The following MIA3 variants were observed in gnomAD, a reference collection of about 807,000 sequenced individuals.
The protein encoded by MIA3 is MIA SH3 domain ER export factor 3.
MIA3 carries 90 observed loss-of-function variants against 192.4 expected under a neutral mutation model. That is an observed-to-expected ratio of 0.47 (90% CI 0.39 to 0.56). MIA3 has a LOEUF of 0.56. Among genes scored for constraint, MIA3 ranks in the 20% least tolerant of loss-of-function variants. MIA3 has a pLI of 0.00. For missense variants in MIA3, 2,123 were observed against 2,269.4 expected, an observed-to-expected ratio of 0.94 and a Z score of 1.31; for synonymous variants, 740 against 792.8, an observed-to-expected ratio of 0.93 and a Z score of 1.12.
chr1:222,650,442 T>C, intron 9 of MIA3, 62 bp downstream of exon 9: 1 of 937,158 alleles, frequency 1.1e-6, no homozygotes, highest in Middle Eastern at 2.7e-4. Context: ...TTGTCACCTA[T>C]CTTATAGTTC....
intron 22 of MIA3, 30 bp from the exon 23 acceptor site, chr1:222,659,876 T>G: frequency 6.3e-7 from 1 of 1,597,544 alleles, no homozygotes; most frequent in African/African-American, 1.3e-5. Flanking sequence ...TATTTAACTC[T>G]TTCTTAAATA....
chr1:222,663,299 T>A (rs771644781), intron 26 of MIA3, among the ~76,000 whole-genome samples: 29 of 152,170 alleles, frequency 1.9e-4, no homozygotes, highest in African/African-American at 7.0e-4. Context: ...CAAGAGCAGC[T>A]TGGATAAGAC....
In MIA3 at chr1:222,665,801, A is replaced by C; in HGVS notation, c.*182A>C. 2.1e-6 allele frequency: 1 copy of C among 465,642 alleles called. No individual in the cohort carries two copies. Among genetic ancestry groups the C allele is most frequent in the Non-Finnish European group, 3.6e-6 (1 of 275,870 alleles). 28.8% of individuals were successfully genotyped at this position (465,642 alleles called of 1,614,324 possible). On this transcript the variant is annotated 3_prime_UTR_variant, in exon 28 of 28. Transcript: ENST00000344922. Reference sequence around the variant, plus strand: ...TTCAAAAATGTCATTTCTTCCCTAAATAAAAATCACCTTTTAAGCTAGAGC... The same window carrying C: ...TTCAAAAATGTCATTTCTTCCCTAACTAAAAATCACCTTTTAAGCTAGAGC...
intron 3 of MIA3, 24 bp downstream of exon 3, chr1:222,624,878 T>C (rs1251049831): frequency 1.4e-6 from 2 of 1,403,508 alleles, no homozygotes; most frequent in Non-Finnish European, 2.0e-6. Flanking sequence ...TTCTGTCTTG[T>C]TCTCAGTTAT....
intron 6 of MIA3, among the ~76,000 whole-genome samples, chr1:222,637,561 A>C (rs1444179237): frequency 6.6e-6 from 1 of 152,176 alleles, no homozygotes; most frequent in East Asian, 1.9e-4. Flanking sequence ...CGAGTTAGAC[A>C]ACTCATTCGT....
chr1:222,644,401 G>A (rs1663024383), intron 6 of MIA3: 2 of 1,540,108 alleles, frequency 1.3e-6, no homozygotes, highest in South Asian at 1.2e-5. Flanking sequence ...CTTTCCGGAG[G>A]AGGAAGCTCT....
chr1:222,620,629 A>G (rs1332122111), intron 1 of MIA3, among the ~76,000 whole-genome samples: 1 of 152,228 alleles, frequency 6.6e-6, no homozygotes, highest in African/African-American at 2.4e-5. Flanking sequence ...ACTGCTACAT[A>G]GTACTGGTTA....
In MIA3 at chr1:222,628,604, C is replaced by T. The variant is rs189126837; in HGVS notation, c.1384C>T (p.His462Tyr). 4.3e-6 allele frequency: 7 copies of T among 1,613,996 alleles called. No individual in the cohort carries two copies. In the East Asian group the frequency reaches 1.6e-4, roughly 36 times the overall value. ...TNNDKEVNAEHHIKGKGRGVQ... is the reference protein window; with the variant it reads ...TNNDKEVNAEYHIKGKGRGVQ... Reference sequence around the variant, plus strand: ...TAATGACAAAGAAGTAAACGCAGAACATCACATTAAAGGAAAAGGGAGGGG... The same window carrying T: ...TAATGACAAAGAAGTAAACGCAGAATATCACATTAAAGGAAAAGGGAGGGG... The change falls in exon 4 of 28, where the codon CAT becomes TAT. Residue 462 changes from histidine to tyrosine, a missense_variant. His to Tyr is a moderately conservative substitution (Grantham distance 83). This residue lies in a region of MIA3 where 1,357 missense variants were observed against 1,396.1 expected (regional missense o/e 0.97). Coordinates refer to ENST00000344922, the MANE Select transcript of MIA3 (RefSeq NM_198551.4).
chr1:222,652,100 T>C, intron 12 of MIA3, 52 bp downstream of exon 12: 1 of 1,342,366 alleles, frequency 7.4e-7, no homozygotes, highest in Non-Finnish European at 1.1e-6. Flanking sequence ...CATAGTTTGA[T>C]TGCAGAGCAA....
At position 222,630,043 on chromosome 1, in the gene MIA3, G is replaced by A. The variant is rs1275339131; in HGVS notation, c.2823G>A (p.Lys941=). The A allele has an allele frequency of 6.2e-7, 1 of 1,614,082 alleles. No individual in the cohort carries two copies. The highest frequency in any genetic ancestry group is 8.5e-7 in the Non-Finnish European group (1 of 1,180,014). The change falls in exon 4 of 28, where the codon AAG becomes AAA. Residue 941 remains lysine (K), a synonymous_variant. Coordinates refer to ENST00000344922, the MANE Select transcript of MIA3 (RefSeq NM_198551.4). ...AACAGTCTTTGCAGCGGTTCCAGAA[G>A]TACTTTAATGTCCATGAGCTGGAAG... ...KEQQSLQRFQ[K]YFNVHELEAL...
chr1:222,644,731 T>C (rs1663051644), intron 6 of MIA3: 2 of 878,390 alleles, frequency 2.3e-6, no homozygotes, highest in Non-Finnish European at 3.5e-6. Flanking sequence ...CTATGCTGTT[T>C]AGGGAGGCAG....
chr1:222,666,792 T>C lies in MIA3; in HGVS notation c.*1173T>C, dbSNP rs1475387161. Reference sequence around the variant, plus strand: ...AAAATCAGTAACTAACCATCTGGAATTGCACCATACTTAAAGTCTTATCCA... The same window carrying C: ...AAAATCAGTAACTAACCATCTGGAACTGCACCATACTTAAAGTCTTATCCA... On this transcript the variant is annotated 3_prime_UTR_variant, in exon 28 of 28. Coordinates refer to ENST00000344922, the MANE Select transcript of MIA3 (RefSeq NM_198551.4). 6.6e-6 allele frequency: 1 copy of C among 152,180 alleles called. No homozygotes were observed. 9.4% of individuals were successfully genotyped at this position (152,180 alleles called of 1,614,324 possible).
rs1243234594 is a variant in MIA3 at position 222,654,784 on chromosome 1, C to G, written c.4598C>G (p.Ala1533Gly). Residue 1533 changes from alanine (A) to glycine (G), a missense_variant, in exon 18 of 28, where the codon GCT becomes GGT. Around this residue, in one of 3 missense-constraint regions of MIA3, gnomAD observed 762 missense variants for 856.4 expected, o/e 0.89. Transcript: ENST00000344922. ...GAGCTCTATCAGCAGAAGGAGATGG[C>G]TTTGCAAAAGTAAGATTATCATCAT... ...LNELYQQKEM[A>G]LQKKLSQEEY... is the part of the protein sequence containing the mutation. 6.2e-7 allele frequency: 1 copy of G among 1,613,276 alleles called. No homozygotes were observed. The highest frequency in any genetic ancestry group is 2.2e-5 in the East Asian group (1 of 44,888).
intron 6 of MIA3, among the ~76,000 whole-genome samples, chr1:222,639,385 A>C (rs1177495793): frequency 3.3e-5 from 5 of 152,206 alleles, no homozygotes; most frequent in Non-Finnish European, 5.9e-5. Context: ...TCATTGTATG[A>C]AGCTGATGTT....
At chr1:222,625,357 A>G (rs774717408) in intron 3 of MIA3, among the ~76,000 whole-genome samples, 4 of 152,240 alleles carry the variant, frequency 2.6e-5, no homozygotes, top group Non-Finnish European at 5.9e-5. Flanking sequence ...TATGTGAAAA[A>G]TTAAGAGTTC....
intron 7 of MIA3, among the ~76,000 whole-genome samples, chr1:222,647,742 T>G (rs1421215789): frequency 6.6e-6 from 1 of 152,180 alleles, no homozygotes; most frequent in Non-Finnish European, 1.5e-5. Context: ...ACTTGACTTT[T>G]GGAACCTTGG....
chr1:222,648,095 T>G (rs541667581), intron 7 of MIA3: 30 of 186,996 alleles, frequency 1.6e-4, no homozygotes, highest in Non-Finnish European at 2.9e-4. Context: ...AGTTACTGCT[T>G]AGATTTTCTT....
intron 13 of MIA3, 53 bp downstream of exon 13, chr1:222,652,385 A>G: frequency 9.0e-7 from 1 of 1,107,390 alleles, no homozygotes; most frequent in South Asian, 1.2e-5. Flanking sequence ...TCAGTATCAT[A>G]CCTCATGAAT....
At chr1:222,633,297 T>A in intron 6 of MIA3, 48 bp downstream of exon 6, 1 of 1,470,504 alleles carries the variant, frequency 6.8e-7, no homozygotes, top group Non-Finnish European at 9.3e-7. Context: ...ATTATTACAG[T>A]TTTTAAGTTG....
Sources: gnomAD v4.1 joint callset for allele counts (sites outside exome capture counted in the v4.1 genomes callset) on GRCh38, gnomAD v4.1.1 for gene constraint, gnomAD v4.1.1 regional missense constraint, MANE v1.5 for transcripts, NCBI Gene and HGNC (gene_info 2026-07-23, HGNC 2026-07-21) for gene names.